Variants in NHSL2 observed in about 807,000 individuals in gnomAD.
NHSL2 encodes NHS like 2.
NHSL2 carries 27 observed loss-of-function variants against 53.4 expected under a neutral mutation model. The observed-to-expected ratio is 0.51, with a 90% CI of 0.37 to 0.70. The LOEUF is 0.70. Among genes scored for constraint, NHSL2 ranks in the 30% least tolerant of loss-of-function variants. The pLI, the probability that NHSL2 is intolerant of heterozygous loss-of-function variation, is 0.00. For missense variants in NHSL2, 892 were observed against 980.1 expected (o/e 0.91, Z 1.20); for synonymous variants, 408 against 404.1 (o/e 1.01, Z -0.12).
intron 1 of NHSL2, among the ~76,000 whole-genome samples, chrX:72,116,091 G>A (rs147887485): frequency 0.031 from 3,408 of 111,426 alleles, 62 homozygotes; most frequent in Non-Finnish European, 0.047. Context: ...CTGTGATGTC[G>A]GACAAGCCAT....
At chrX:71,987,469 A>T (rs770046393) in intron 1 of NHSL2, among the ~76,000 whole-genome samples, 7 of 111,880 alleles carry the variant, frequency 6.3e-5, no homozygotes, top group Non-Finnish European at 1.1e-4. Context: ...GGTAAATTGA[A>T]CAATTTTCAA....
Position 71,911,034 on chromosome X carries a change from G to C in NHSL2, c.-54G>C. 1 of 946,029 alleles carries C rather than the reference G, an allele frequency of 1.1e-6. No individual in the cohort carries two copies. The allele number at this position is 946,029 out of a possible 1,213,427, so 78.0% of individuals were successfully genotyped here. A position where few individuals can be genotyped will look rare whatever the true frequency, so the allele number is the denominator to read the frequency against. The stretch of plus-strand genomic sequence containing the variant: ...CGCTCGGGCCAGGGGCGCTGCTCGG[G>C]GTGAGCCCGCCGCGCCGCCAGACTG... On this transcript the variant is annotated 5_prime_UTR_variant, in exon 1 of 8. Transcript: ENST00000633930.
At chrX:72,037,432 A>G (rs765324587) in intron 1 of NHSL2, among the ~76,000 whole-genome samples, 4 of 110,630 alleles carry the variant, frequency 3.6e-5, no homozygotes, top group African/African-American at 9.9e-5. Context: ...CAAAAAAAAA[A>G]GAAAAAAAAA....
At chrX:72,023,115 A>G (rs962874099) in intron 1 of NHSL2, among the ~76,000 whole-genome samples, 4 of 112,894 alleles carry the variant, frequency 3.5e-5, no homozygotes, top group Admixed American at 1.9e-4. Flanking sequence ...CTGAATGTTC[A>G]TTCTCTGCCA....
At position 72,145,840 on chromosome X, in the gene NHSL2, G is replaced by T. The variant is rs1327279026; in HGVS notation, c.*2266G>T. 1 of 112,051 alleles carries T rather than the reference G, an allele frequency of 8.9e-6. No individual in the cohort carries two copies. The highest frequency in any genetic ancestry group is 1.9e-5 in the Non-Finnish European group (1 of 53,211). The allele number at this position is 112,051 out of a possible 1,213,427, so 9.2% of individuals were successfully genotyped here. ...TCCCCTCACCTTGCTACCTCTGGAG[G>T]TTTTCCCAAAAGATTCTGAACCTGA... On this transcript the variant is annotated 3_prime_UTR_variant, in exon 8 of 8. Coordinates refer to ENST00000633930, the MANE Select transcript of NHSL2 (RefSeq NM_001013627.3).
intron 1 of NHSL2, among the ~76,000 whole-genome samples, chrX:71,967,420 G>C (rs5951210): frequency 0.26 from 28,607 of 110,473 alleles, 3,334 homozygotes; most frequent in South Asian, 0.47. Context: ...TTTCTAATAT[G>C]TACATGCTAT....
chrX:72,131,631 G>T, intron 1 of NHSL2: 1 of 917,747 alleles, frequency 1.1e-6, no homozygotes, highest in Non-Finnish European at 1.5e-6. Flanking sequence ...GCGGCGGCGG[G>T]GCTCGGGAGG....
intron 2 of NHSL2, 112 bp downstream of exon 2, chrX:72,132,346 T>A: frequency 4.3e-6 from 3 of 693,418 alleles, no homozygotes; most frequent in Non-Finnish European, 6.2e-6. Context: ...ACAGAGAGTT[T>A]AAAAACAATC....
chrX:71,947,644 C>A (rs1367058928), intron 1 of NHSL2, among the ~76,000 whole-genome samples: 2 of 111,840 alleles, frequency 1.8e-5, no homozygotes, highest in African/African-American at 3.3e-5. Flanking sequence ...GTCACAACAA[C>A]CTTGTGAGAT....
chrX:72,074,136 G>T (rs139970886), intron 1 of NHSL2, among the ~76,000 whole-genome samples: 1 of 109,895 alleles, frequency 9.1e-6, no homozygotes, highest in Admixed American at 9.8e-5. Flanking sequence ...CCCTCTCCCC[G>T]CAAGCAACCG....
chrX:72,031,643 T>C (rs1161555214), intron 1 of NHSL2, among the ~76,000 whole-genome samples: 1 of 110,252 alleles, frequency 9.1e-6, no homozygotes, highest in African/African-American at 3.3e-5. Flanking sequence ...GTATGTGAAT[T>C]GTCTGGCCCA....
intron 1 of NHSL2, among the ~76,000 whole-genome samples, chrX:71,961,128 T>C (rs1569466732): frequency 1.8e-5 from 2 of 112,044 alleles, no homozygotes; most frequent in African/African-American, 3.2e-5. Context: ...AAGTATTTTA[T>C]TCTTTTTGAT....
rs140773434 is a variant in NHSL2, at chrX:72,041,910, A to G, written c.281-90169A>G. On this transcript the variant is annotated intron_variant, in intron 1 of 7. Coordinates refer to ENST00000633930, the MANE Select transcript of NHSL2 (RefSeq NM_001013627.3). ...GGGATGAAAGCTAAAGGAACATGAG[A>G]ACGGTGAGGTGAGGTCGTGCGCTCG... Among the ~76,000 whole-genome samples the G allele has an allele frequency of 2.0e-3, 227 of 112,091 alleles. 3 individuals are homozygous for G. The highest frequency in any genetic ancestry group is 6.8e-3 in the African/African-American group (210 of 30,853).
intron 1 of NHSL2, among the ~76,000 whole-genome samples, chrX:72,060,785 G>T (rs1273864674): frequency 8.9e-6 from 1 of 112,820 alleles, no homozygotes. Flanking sequence ...GCTGCCCGTT[G>T]CCATGGCAAC....
chrX:72,104,383 C>T (rs2042021470), intron 1 of NHSL2, among the ~76,000 whole-genome samples: 2 of 112,539 alleles, frequency 1.8e-5, no homozygotes, highest in Admixed American at 9.4e-5. Context: ...CTTGTAGAAA[C>T]ATTCCAAGTA....
At chrX:72,061,943 G>A (rs1173548449) in intron 1 of NHSL2, among the ~76,000 whole-genome samples, 2 of 112,064 alleles carry the variant, frequency 1.8e-5, no homozygotes, top group African/African-American at 3.2e-5. Context: ...TTCCTTCATG[G>A]CACTTCTCAG....
rs1450145281 is a variant in NHSL2, at chrX:72,145,266, C to T, written c.*1692C>T. ...AGCCACCTTTTAGCTCAACTGCCCACACTCCAGCTGGACAGAGCAGCTGAA... is the reference window on the plus strand; with the variant it reads ...AGCCACCTTTTAGCTCAACTGCCCATACTCCAGCTGGACAGAGCAGCTGAA... On this transcript the variant is annotated 3_prime_UTR_variant, in exon 8 of 8. Transcript: ENST00000633930. 8.9e-6 allele frequency: 1 copy of T among 111,887 alleles called. No individual in the cohort carries two copies. Among genetic ancestry groups the T allele is most frequent in the Non-Finnish European group, 1.9e-5 (1 of 53,276 alleles). The allele number at this position is 111,887 out of a possible 1,213,427, so 9.2% of individuals were successfully genotyped here. A position where few individuals can be genotyped will look rare whatever the true frequency, so the allele number is the denominator to read the frequency against.
intron 1 of NHSL2, among the ~76,000 whole-genome samples, chrX:71,990,559 G>A (rs544802891): frequency 3.6e-5 from 4 of 110,372 alleles, no homozygotes; most frequent in Non-Finnish European, 5.7e-5. Context: ...AGACCACCCC[G>A]CTCACACTGT....
chrX:71,954,815 C>T (rs2041835875), intron 1 of NHSL2, among the ~76,000 whole-genome samples: 1 of 112,391 alleles, frequency 8.9e-6, no homozygotes, highest in Non-Finnish European at 1.9e-5. Flanking sequence ...ACCCTAGTGT[C>T]CTTTGTTTTG....
Sources: allele counts gnomAD v4.1 joint callset (sites outside exome capture counted in the v4.1 genomes callset), GRCh38; gene constraint gnomAD v4.1.1; transcripts MANE v1.5; gene names NCBI Gene and HGNC (gene_info 2026-07-23, HGNC 2026-07-21).